ANXA4: variants seen among roughly 807,000 people sequenced by gnomAD.
ANXA4 encodes the protein 35-beta calcimedin.
ANXA4 carries 39 observed loss-of-function variants against 49.8 expected under a neutral mutation model. That is an observed-to-expected ratio of 0.78 (90% CI 0.61 to 1.02). The LOEUF (loss-of-function observed/expected upper bound fraction) is 1.02. Among genes scored for constraint, ANXA4 ranks in the 50% least tolerant of loss-of-function variants. The probability of loss-of-function intolerance (pLI) is 0.00; values close to 1 mark genes in which losing one functional copy is unlikely to be tolerated. For missense variants in ANXA4, 360 were observed against 410.1 expected, an observed-to-expected ratio of 0.88 and a Z score of 1.05; for synonymous variants, 134 against 152.5, an observed-to-expected ratio of 0.88 and a Z score of 0.89.
At chr2:69,805,225 C>T (rs1673392252) in intron 4 of ANXA4, among the ~76,000 whole-genome samples, 1 of 151,920 alleles carries the variant, frequency 6.6e-6, no homozygotes, top group African/African-American at 2.4e-5. Flanking sequence ...GGAATTGAGC[C>T]TTAAGAAATA....
chr2:69,678,498 A>T (rs1050216160), intron 2 of ANXA4, among the ~76,000 whole-genome samples: 1 of 146,536 alleles, frequency 6.8e-6, no homozygotes, highest in Non-Finnish European at 1.5e-5. Context: ...GGCTCAGGAG[A>T]TACTCCCACC....
chr2:69,721,071 G>C (rs143502782), intron 3 of ANXA4, among the ~76,000 whole-genome samples: 1 of 152,368 alleles, frequency 6.6e-6, no homozygotes, highest in African/African-American at 2.4e-5. Flanking sequence ...AACTTGGGAG[G>C]TCTGGCCACC....
At chr2:69,753,500 C>G (rs1670933494) in intron 1 of ANXA4, among the ~76,000 whole-genome samples, 1 of 152,188 alleles carries the variant, frequency 6.6e-6, no homozygotes, top group African/African-American at 2.4e-5. Flanking sequence ...TAGACAGATG[C>G]TGTACAATCG....
At chr2:69,767,976 G>T (rs1205332718) in intron 1 of ANXA4, among the ~76,000 whole-genome samples, 1 of 151,484 alleles carries the variant, frequency 6.6e-6, no homozygotes, top group Non-Finnish European at 1.5e-5. Context: ...ATATACATAT[G>T]TACACATATA....
chr2:69,706,309 T>C (rs1395998650), intron 2 of ANXA4, among the ~76,000 whole-genome samples: 2 of 133,246 alleles, frequency 1.5e-5, no homozygotes, highest in African/African-American at 5.7e-5. Context: ...TTTTTTTTTT[T>C]TTTTTTTTTT....
intron 2 of ANXA4, among the ~76,000 whole-genome samples, chr2:69,704,172 T>C (rs895848176): frequency 2.0e-5 from 3 of 152,226 alleles, no homozygotes; most frequent in African/African-American, 7.2e-5. Context: ...TACCCCTTAA[T>C]AGAGATTTTA....
intron 3 of ANXA4, among the ~76,000 whole-genome samples, chr2:69,734,940 C>G (rs953979697): frequency 1.2e-4 from 19 of 152,180 alleles, no homozygotes. Context: ...TCCACAGTCA[C>G]CCCTTGTCAA....
intron 1 of ANXA4, among the ~76,000 whole-genome samples, chr2:69,758,896 G>T (rs1172545215): frequency 3.3e-5 from 5 of 152,150 alleles, no homozygotes; most frequent in Admixed American, 6.5e-5. Context: ...ACTTTGGGAG[G>T]CTGAGCCTCG....
chr2:69,658,063 C>G (rs1279625942), intron 2 of ANXA4, among the ~76,000 whole-genome samples: 1 of 151,838 alleles, frequency 6.6e-6, no homozygotes, highest in African/African-American at 2.4e-5. Flanking sequence ...AATAATGTAT[C>G]AACTTTAACT....
At chr2:69,798,850 TG>T (rs1284091262) in intron 3 of ANXA4, among the ~76,000 whole-genome samples, 7 of 152,200 alleles carry the variant, frequency 4.6e-5, no homozygotes, top group Non-Finnish European at 1.0e-4. Flanking sequence ...CCTTGTTGTC[TG>T]GGGTGAATAC....
chr2:69,667,329 C>T (rs1676974567), intron 2 of ANXA4, among the ~76,000 whole-genome samples: 1 of 151,750 alleles, frequency 6.6e-6, no homozygotes, highest in African/African-American at 2.4e-5. Flanking sequence ...ACGTGAATAC[C>T]TCGACAAAGC....
At position 69,781,524 on chromosome 2, in the gene ANXA4, A is replaced by C. The variant is rs762038998; in HGVS notation, c.-42A>C. The C allele has an allele frequency of 2.5e-6, 4 of 1,613,118 alleles. No individual in the cohort carries two copies. In the South Asian group the frequency reaches 4.4e-5, roughly 18 times the overall value. On this transcript the variant is annotated 5_prime_UTR_variant, in exon 2 of 13. Transcript: ENST00000394295. ...TCCCCTCTGCTTTTATCACAGAAGA[A>C]CTTCTGCTTGGGTGGCTGAACTCTG... is the stretch of plus-strand genomic sequence containing the variant.
chr2:69,816,002 A>G, intron 8 of ANXA4, 99 bp from the exon 9 acceptor site: 1 of 929,210 alleles, frequency 1.1e-6, no homozygotes, highest in Non-Finnish European at 1.7e-6. Flanking sequence ...CAACAAAATA[A>G]AACTAAGCCA....
chr2:69,787,375 C>A (rs1024841989), intron 2 of ANXA4, among the ~76,000 whole-genome samples: 16 of 152,090 alleles, frequency 1.1e-4, no homozygotes, highest in African/African-American at 7.2e-5. Context: ...TCTTTAAATT[C>A]TCCTTGCAAT....
rs190472659 is a variant in ANXA4, at chr2:69,669,559, C to T, written n.766+16277C>T. Among the ~76,000 whole-genome samples, 1,267 of 151,374 alleles carry T rather than the reference C, an allele frequency of 8.4e-3. 17 individuals are homozygous for T. The highest frequency in any genetic ancestry group is 0.044 in the Middle Eastern group (13 of 294). On this transcript the variant is annotated intron_variant and non_coding_transcript_variant, in intron 2 of 3. Transcript: ENST00000418066. ...CCAGGCGGCAGAGGTTGCAATGAGC[C>T]GAGATCGCGCCACTGCACTCTAGCC...
At chr2:69,806,637 G>A (rs1039311687) in intron 5 of ANXA4, 139 bp downstream of exon 5, 1 of 656,532 alleles carries the variant, frequency 1.5e-6, no homozygotes, top group Non-Finnish European at 2.7e-6. Context: ...AGAAAATGTG[G>A]TACATGTACA....
chr2:69,655,736 T>C (rs997173475), intron 2 of ANXA4, among the ~76,000 whole-genome samples: 2 of 152,082 alleles, frequency 1.3e-5, no homozygotes, highest in Non-Finnish European at 2.9e-5. Context: ...CACATATGTT[T>C]ATTGCGGCAC....
At chr2:69,794,322 G>T (rs1298897185) in intron 3 of ANXA4, among the ~76,000 whole-genome samples, 2 of 152,172 alleles carry the variant, frequency 1.3e-5, no homozygotes, top group Admixed American at 6.5e-5. Flanking sequence ...CACTGTAACT[G>T]CTTGGAGGCA....
chr2:69,800,780 G>C (rs1375373779), intron 3 of ANXA4, among the ~76,000 whole-genome samples: 1 of 152,222 alleles, frequency 6.6e-6, no homozygotes, highest in Non-Finnish European at 1.5e-5. Flanking sequence ...CAGCAGTGAA[G>C]TGGCCTCGTC....
Sources: gnomAD v4.1 joint callset for allele counts (sites outside exome capture counted in the v4.1 genomes callset) on GRCh38, gnomAD v4.1.1 for gene constraint, MANE v1.5 for transcripts, NCBI Gene and HGNC (gene_info 2026-07-23, HGNC 2026-07-21) for gene names.